CSGALNACT1: variants seen among roughly 807,000 people sequenced by gnomAD.
The protein encoded by CSGALNACT1 is beta4GalNAcT-1.
In CSGALNACT1, 52 loss-of-function variants were observed where a neutral mutation model predicts 51.0. The ratio of observed to expected loss-of-function variants is 1.02; its 90% CI spans 0.82 to 1.29. The LOEUF is 1.29. Ranked by LOEUF, CSGALNACT1 falls within the 50% of genes most tolerant of loss-of-function variation. The pLI is 0.00. For missense variants in CSGALNACT1, 935 were observed against 679.2 expected, an observed-to-expected ratio of 1.38 and a Z score of -4.19; for synonymous variants, 341 against 254.4, an observed-to-expected ratio of 1.34 and a Z score of -3.24.
intron 3 of CSGALNACT1, among the ~76,000 whole-genome samples, chr8:19,545,803 C>CTA (rs1416111918): frequency 2.0e-5 from 3 of 147,338 alleles, no homozygotes; most frequent in Admixed American, 1.4e-4. Flanking sequence ...CATTATATAT[C>CTA]TATATATATT....
intron 6 of CSGALNACT1, among the ~76,000 whole-genome samples, chr8:19,424,479 G>C (rs957709406): frequency 1.3e-5 from 2 of 152,004 alleles, no homozygotes; most frequent in African/African-American, 4.8e-5. Context: ...CCAAAAAAGA[G>C]GACTGAACTG....
chr8:19,483,754 T>C (rs377297947), intron 4 of CSGALNACT1, among the ~76,000 whole-genome samples: 1 of 152,212 alleles, frequency 6.6e-6, no homozygotes, highest in East Asian at 1.9e-4. Context: ...GAAACTCTCA[T>C]TTCTTCATCT....
chr8:19,589,368 C>G (rs1471839326), intron 3 of CSGALNACT1, among the ~76,000 whole-genome samples: 1 of 152,174 alleles, frequency 6.6e-6, no homozygotes, highest in African/African-American at 2.4e-5. Context: ...CTTTGTCACC[C>G]AGGCTGGAGT....
At chr8:19,544,199 T>C (rs920473636) in intron 3 of CSGALNACT1, among the ~76,000 whole-genome samples, 2 of 152,174 alleles carry the variant, frequency 1.3e-5, no homozygotes, top group Non-Finnish European at 2.9e-5. Context: ...AACAAATCTG[T>C]TCCTTGCCAG....
At chr8:19,435,374 T>C (rs148412110) in intron 6 of CSGALNACT1, among the ~76,000 whole-genome samples, 31 of 151,798 alleles carry the variant, frequency 2.0e-4, no homozygotes, top group African/African-American at 5.6e-4. Context: ...GCGCCTATAG[T>C]CCTAGCTACC....
chr8:19,609,186 T>C (rs1363253556), intron 1 of CSGALNACT1, among the ~76,000 whole-genome samples: 3 of 151,804 alleles, frequency 2.0e-5, no homozygotes, highest in Middle Eastern at 3.4e-3. Flanking sequence ...TGCTTTTTTT[T>C]TTATATTGAG....
intron 2 of CSGALNACT1, among the ~76,000 whole-genome samples, chr8:19,594,805 G>C (rs539884081): frequency 2.2e-4 from 33 of 152,016 alleles, no homozygotes; most frequent in African/African-American, 6.8e-4. Context: ...ACCCACCTTG[G>C]CCTTCCACAG....
At chr8:19,436,164 T>A (rs1198587427) in intron 6 of CSGALNACT1, among the ~76,000 whole-genome samples, 12 of 152,234 alleles carry the variant, frequency 7.9e-5, no homozygotes, top group African/African-American at 2.7e-4. Context: ...ACAAGATTTT[T>A]AAAAAGATAT....
rs570816256 is a variant in CSGALNACT1, at chr8:19,513,687, T to G, written c.-296-7557A>C. ...AGTGTATTTTCACAAAGCTAGATGGTAGACCTACCGCACACCTGGGCCATA... is the reference window on the plus strand; with the variant it reads ...AGTGTATTTTCACAAAGCTAGATGGGAGACCTACCGCACACCTGGGCCATA... On this transcript the variant is annotated intron_variant, in intron 3 of 9. Transcript: ENST00000454498. Among the ~76,000 whole-genome samples, 9 of 152,078 alleles carry G rather than the reference T, an allele frequency of 5.9e-5. No homozygotes were observed. In the East Asian group the frequency reaches 1.6e-3, roughly 26 times the overall value.
At chr8:19,431,684 A>C (rs2059672332) in intron 6 of CSGALNACT1, among the ~76,000 whole-genome samples, 1 of 152,106 alleles carries the variant, frequency 6.6e-6, no homozygotes, top group African/African-American at 2.4e-5. Context: ...TCAAAGAGTA[A>C]GTTGGAAAGT....
intron 3 of CSGALNACT1, among the ~76,000 whole-genome samples, chr8:19,513,118 A>G (rs1239190658): frequency 2.0e-5 from 3 of 151,978 alleles, no homozygotes. Flanking sequence ...CCTGTTCCAA[A>G]AGTATCTCAA....
intron 4 of CSGALNACT1, among the ~76,000 whole-genome samples, chr8:19,487,749 G>A (rs1313933176): frequency 6.6e-6 from 1 of 152,028 alleles, no homozygotes; most frequent in Non-Finnish European, 1.5e-5. Context: ...TCCTTCCCAT[G>A]CCATCCATCT....
At chr8:19,712,718 A>G (rs769132204) in intron 1 of CSGALNACT1, among the ~76,000 whole-genome samples, 12 of 152,204 alleles carry the variant, frequency 7.9e-5, no homozygotes, top group Non-Finnish European at 1.8e-4. Flanking sequence ...CCAGAACACA[A>G]CAGAACCAAA....
chr8:19,566,386 T>C (rs989518525), intron 3 of CSGALNACT1, among the ~76,000 whole-genome samples: 6 of 152,168 alleles, frequency 3.9e-5, no homozygotes, highest in Non-Finnish European at 5.9e-5. Context: ...TTTGAATATC[T>C]AGTCTTTAGA....
At chr8:19,698,327 A>C (rs954169161) in intron 1 of CSGALNACT1, among the ~76,000 whole-genome samples, 3 of 152,252 alleles carry the variant, frequency 2.0e-5, no homozygotes, top group Non-Finnish European at 4.4e-5. Context: ...GGAGGAAACC[A>C]ACAGCTGTGA....
At chr8:19,745,395 A>G (rs1194576821) in intron 1 of CSGALNACT1, among the ~76,000 whole-genome samples, 2 of 152,178 alleles carry the variant, frequency 1.3e-5, no homozygotes, top group Non-Finnish European at 2.9e-5. Context: ...TTGGTTTTTG[A>G]TACATGCTCA....
At chr8:19,578,901 A>C (rs1019539517) in intron 3 of CSGALNACT1, among the ~76,000 whole-genome samples, 2 of 152,000 alleles carry the variant, frequency 1.3e-5, no homozygotes, top group Non-Finnish European at 2.9e-5. Context: ...CTCCTTCCTT[A>C]CATCATACTT....
chr8:19,437,331 T>G (rs2060535021), intron 6 of CSGALNACT1, among the ~76,000 whole-genome samples: 1 of 152,070 alleles, frequency 6.6e-6, no homozygotes, highest in Non-Finnish European at 1.5e-5. Context: ...CTGCTCCCAG[T>G]TTGGCTAGGG....
rs186472244 is a variant in CSGALNACT1, at chr8:19,432,733, T to C, written c.953+7097A>G. ...CCTCCTCTGCCTTATTAATTTTTCGTTTTTGTTATTGTAGTTTTCAACACT... is the reference window on the plus strand; with the variant it reads ...CCTCCTCTGCCTTATTAATTTTTCGCTTTTGTTATTGTAGTTTTCAACACT... On this transcript the variant is annotated intron_variant, in intron 6 of 9. Transcript: ENST00000454498. Among the ~76,000 whole-genome samples the C allele has an allele frequency of 1.1e-4, 17 of 152,290 alleles. No homozygotes were observed. In the East Asian group the frequency reaches 3.1e-3, roughly 28 times the overall value.
Sources: allele counts gnomAD v4.1 joint callset (sites outside exome capture counted in the v4.1 genomes callset), GRCh38; gene constraint gnomAD v4.1.1; transcripts MANE v1.5; gene names NCBI Gene and HGNC (gene_info 2026-07-23, HGNC 2026-07-21).